Variants in CCSER1 observed in about 807,000 individuals in gnomAD.
CCSER1 encodes coiled-coil serine rich protein 1.
In CCSER1, 41 loss-of-function variants were observed where a neutral mutation model predicts 82.0. The observed-to-expected ratio is 0.50, with a 90% CI of 0.39 to 0.65. The LOEUF (loss-of-function observed/expected upper bound fraction) is 0.65. CCSER1 is among the 30% of genes least tolerant of loss of function. The probability of loss-of-function intolerance (pLI) is 0.00; values close to 1 mark genes in which losing one functional copy is unlikely to be tolerated. For missense variants in CCSER1, 1,119 were observed against 1,064.2 expected (o/e 1.05, Z -0.72); for synonymous variants, 414 against 383.9 (o/e 1.08, Z -0.92).
intron 10 of CCSER1, 65 bp from the exon 11 acceptor site, chr4:91,598,505 CTG>C (rs1308386698): frequency 9.9e-6 from 14 of 1,410,140 alleles, no homozygotes; most frequent in Non-Finnish European, 1.2e-5. Context: ...AAATATCACT[CTG>C]TATTGTATGT....
At chr4:90,597,546 C>T (rs1221710187) in intron 5 of CCSER1, among the ~76,000 whole-genome samples, 1 of 151,816 alleles carries the variant, frequency 6.6e-6, no homozygotes, top group Non-Finnish European at 1.5e-5. Flanking sequence ...TTAAAAAATA[C>T]ATTTGACTGT....
chr4:90,789,155 G>A (rs1235749517), intron 7 of CCSER1, among the ~76,000 whole-genome samples: 1 of 152,042 alleles, frequency 6.6e-6, no homozygotes, highest in Non-Finnish European at 1.5e-5. Context: ...CTGTAATCTG[G>A]ACTCTGCTTC....
chr4:90,271,875 TTTTTTTTTTTTTTTTA>T (rs1726577858), intron 1 of CCSER1, among the ~76,000 whole-genome samples: 2 of 101,988 alleles, frequency 2.0e-5, no homozygotes, highest in Admixed American at 2.1e-4. Flanking sequence ...TTTTTTTTTT[TTTTTTTTTTTTTTTTA>T]AAAGGAGGTT....
At chr4:90,870,158 T>C (rs1206161396) in intron 8 of CCSER1, among the ~76,000 whole-genome samples, 1 of 151,656 alleles carries the variant, frequency 6.6e-6, no homozygotes, top group Non-Finnish European at 1.5e-5. Context: ...TTTGACTTCT[T>C]CATTTCCAAT....
intron 10 of CCSER1, among the ~76,000 whole-genome samples, chr4:91,161,986 T>C (rs1560480196): frequency 6.6e-6 from 1 of 152,176 alleles, no homozygotes; most frequent in Non-Finnish European, 1.5e-5. Flanking sequence ...ATAGGAGTGG[T>C]GAGAGAGGCA....
At chr4:90,374,631 A>C (rs1748001160) in intron 3 of CCSER1, among the ~76,000 whole-genome samples, 1 of 152,158 alleles carries the variant, frequency 6.6e-6, no homozygotes, top group Admixed American at 6.6e-5. Context: ...ATGAGGAATT[A>C]CACAAAGCAT....
chr4:90,176,054 T>G (rs1272025426), intron 1 of CCSER1, among the ~76,000 whole-genome samples: 1 of 151,736 alleles, frequency 6.6e-6, no homozygotes, highest in African/African-American at 2.4e-5. Context: ...TTAAATAGAG[T>G]GATCTCAAGT....
chr4:91,080,840 A>G (rs1322087452), intron 9 of CCSER1, among the ~76,000 whole-genome samples: 1 of 152,234 alleles, frequency 6.6e-6, no homozygotes, highest in African/African-American at 2.4e-5. Flanking sequence ...ATTCCTGGAC[A>G]CATACACCCT....
chr4:90,801,494 G>A (rs940636691), intron 7 of CCSER1, among the ~76,000 whole-genome samples: 1 of 152,046 alleles, frequency 6.6e-6, no homozygotes, highest in Non-Finnish European at 1.5e-5. Flanking sequence ...ACCATTCATT[G>A]TCAAAAAGAT....
chr4:91,031,594 A>G (rs544099553), intron 9 of CCSER1, among the ~76,000 whole-genome samples: 9 of 152,192 alleles, frequency 5.9e-5, no homozygotes, highest in African/African-American at 1.4e-4. Flanking sequence ...TGGTTTGACT[A>G]TATTTTTCTG....
At chr4:91,577,295 AG>A (rs1763496607) in intron 10 of CCSER1, among the ~76,000 whole-genome samples, 2 of 151,964 alleles carry the variant, frequency 1.3e-5, no homozygotes, top group Non-Finnish European at 2.9e-5. Flanking sequence ...GCACAGAAAA[AG>A]ATATATGATA....
intron 4 of CCSER1, among the ~76,000 whole-genome samples, chr4:90,466,957 C>T (rs1763724659): frequency 6.6e-6 from 1 of 152,102 alleles, no homozygotes; most frequent in Non-Finnish European, 1.5e-5. Context: ...AGCTTGTGTT[C>T]ATTATTAACG....
intron 5 of CCSER1, among the ~76,000 whole-genome samples, chr4:90,478,798 T>C (rs1323690029): frequency 6.6e-6 from 1 of 151,020 alleles, no homozygotes; most frequent in African/African-American, 2.4e-5. Flanking sequence ...TGGAGTTCAG[T>C]GGCGCAATCT....
intron 10 of CCSER1, among the ~76,000 whole-genome samples, chr4:91,389,682 G>C (rs1440991746): frequency 6.6e-6 from 1 of 151,844 alleles, no homozygotes; most frequent in Admixed American, 6.6e-5. Context: ...TTGACATCTT[G>C]ACAATATTGA....
intron 9 of CCSER1, among the ~76,000 whole-genome samples, chr4:91,083,613 G>A (rs1461535314): frequency 2.0e-5 from 3 of 151,748 alleles, no homozygotes; most frequent in Non-Finnish European, 4.4e-5. Flanking sequence ...AAAATGTCAA[G>A]GATTTAATGA....
At chr4:91,315,308 A>G (rs1745756259) in intron 10 of CCSER1, among the ~76,000 whole-genome samples, 1 of 151,938 alleles carries the variant, frequency 6.6e-6, no homozygotes, top group Non-Finnish European at 1.5e-5. Context: ...TGGTATGGTC[A>G]CAGAGATAAG....
chr4:91,431,834 G>C (rs1377331420), intron 10 of CCSER1, among the ~76,000 whole-genome samples: 2 of 151,840 alleles, frequency 1.3e-5, no homozygotes. Flanking sequence ...TTTAATTAAG[G>C]ATATATGTTT....
chr4:91,357,901 TTTG>T (rs778786740), intron 10 of CCSER1, among the ~76,000 whole-genome samples: 3,140 of 93,364 alleles, frequency 0.034, 283 homozygotes, highest in Non-Finnish European at 0.053. Flanking sequence ...TTTTTTTTTT[TTTG>T]AAGATAACCA....
intron 5 of CCSER1, among the ~76,000 whole-genome samples, chr4:90,626,980 C>T (rs964462811): frequency 6.6e-6 from 1 of 152,184 alleles, no homozygotes; most frequent in African/African-American, 2.4e-5. Flanking sequence ...TACTTTATTT[C>T]ATCTACCTCT....
Sources: allele counts gnomAD v4.1 joint callset (sites outside exome capture counted in the v4.1 genomes callset), GRCh38; gene constraint gnomAD v4.1.1; transcripts MANE v1.5; gene names NCBI Gene and HGNC (gene_info 2026-07-23, HGNC 2026-07-21).